Variants in SLC9A9 observed in about 807,000 individuals in gnomAD.
The protein encoded by SLC9A9 is sodium/hydrogen exchanger 9.
In SLC9A9, 62 loss-of-function variants were observed where a neutral mutation model predicts 77.8. That is an observed-to-expected ratio of 0.80 (90% CI 0.65 to 0.98). SLC9A9 has a LOEUF of 0.98. Ranked by LOEUF, SLC9A9 falls within the 50% of genes least tolerant of loss-of-function variation. The probability of loss-of-function intolerance (pLI) is 0.00; values close to 1 mark genes in which losing one functional copy is unlikely to be tolerated. For synonymous variants in SLC9A9, 320 were observed against 283.5 expected (o/e 1.13, Z -1.29); for missense variants, 775 against 774.9 (o/e 1.00, Z 0.00).
At chr3:143,336,194 T>C (rs564724231) in intron 14 of SLC9A9, among the ~76,000 whole-genome samples, 1 of 152,226 alleles carries the variant, frequency 6.6e-6, no homozygotes, top group Admixed American at 6.5e-5. Flanking sequence ...TAATGAGATA[T>C]CACCTCATAT....
At chr3:143,805,521 C>T (rs1187644080) in intron 2 of SLC9A9, among the ~76,000 whole-genome samples, 2 of 152,166 alleles carry the variant, frequency 1.3e-5, no homozygotes, top group Non-Finnish European at 2.9e-5. Context: ...TCCCCTGTGA[C>T]CTTCACTTAT....
chr3:143,752,025 G>A (rs982702337), intron 4 of SLC9A9, among the ~76,000 whole-genome samples: 3 of 152,152 alleles, frequency 2.0e-5, no homozygotes, highest in Non-Finnish European at 2.9e-5. Context: ...TACTGAAATC[G>A]CCTTTCAGAC....
chr3:143,811,356 T>C (rs1039207325), intron 2 of SLC9A9, among the ~76,000 whole-genome samples: 1 of 152,182 alleles, frequency 6.6e-6, no homozygotes, highest in African/African-American at 2.4e-5. Flanking sequence ...GAAAAAAGAA[T>C]ACTCTCAGAA....
chr3:143,507,082 A>T (rs761754832), intron 9 of SLC9A9, among the ~76,000 whole-genome samples: 1 of 150,212 alleles, frequency 6.7e-6, no homozygotes, highest in Non-Finnish European at 1.5e-5. Context: ...ATATTATCTT[A>T]AGATTTTGTT....
intron 4 of SLC9A9, among the ~76,000 whole-genome samples, chr3:143,762,776 G>A (rs150551202): frequency 1.3e-5 from 2 of 152,290 alleles, no homozygotes; most frequent in East Asian, 3.9e-4. Context: ...TATGGCCAGT[G>A]TGGCACTGTC....
At chr3:143,303,014 G>C (rs9842051) in intron 14 of SLC9A9, among the ~76,000 whole-genome samples, 120,382 of 152,232 alleles carry the variant, frequency 0.79, 47,912 homozygotes, top group East Asian at 0.97. Flanking sequence ...TCTCCACATC[G>C]TGCCCTTCCC....
At chr3:143,431,496 T>TC (rs916750185) in intron 12 of SLC9A9, among the ~76,000 whole-genome samples, 1 of 150,992 alleles carries the variant, frequency 6.6e-6, no homozygotes, top group African/African-American at 2.4e-5. Context: ...TTTTTTTTTT[T>TC]TTTTGCGATG....
chr3:143,387,382 C>T (rs1007940494), intron 12 of SLC9A9, among the ~76,000 whole-genome samples: 5 of 150,926 alleles, frequency 3.3e-5, no homozygotes, highest in African/African-American at 4.9e-5. Context: ...AAAGGTAAGC[C>T]GAGGGTGGAG....
chr3:143,724,897 G>A (rs1203993822), intron 4 of SLC9A9, among the ~76,000 whole-genome samples: 4 of 152,060 alleles, frequency 2.6e-5, no homozygotes, highest in African/African-American at 7.3e-5. Context: ...GAGCCTTTCA[G>A]TGTCAGGTGG....
intron 2 of SLC9A9, among the ~76,000 whole-genome samples, chr3:143,826,951 T>C (rs1432831407): frequency 6.6e-6 from 1 of 152,204 alleles, no homozygotes; most frequent in Admixed American, 6.5e-5. Flanking sequence ...CATTTATTCA[T>C]ATGCTATGTT....
chr3:143,698,069 C>T (rs1334879184), intron 4 of SLC9A9: 4 of 152,212 alleles, frequency 2.6e-5, no homozygotes, highest in Non-Finnish European at 4.4e-5. Flanking sequence ...TACCAGTCAC[C>T]GTATCCTCAC....
At chr3:143,646,344 T>C (rs1412878854) in intron 6 of SLC9A9, among the ~76,000 whole-genome samples, 1 of 148,186 alleles carries the variant, frequency 6.7e-6, no homozygotes, top group African/African-American at 2.4e-5. Flanking sequence ...ACATATAATG[T>C]ATGTTAGTAT....
At chr3:143,415,026 G>C (rs992818437) in intron 12 of SLC9A9, among the ~76,000 whole-genome samples, 1 of 152,206 alleles carries the variant, frequency 6.6e-6, no homozygotes, top group Non-Finnish European at 1.5e-5. Context: ...TAGCCATCTG[G>C]ATAGAAGATG....
intron 8 of SLC9A9, among the ~76,000 whole-genome samples, chr3:143,554,903 C>T (rs1050556291): frequency 2.0e-5 from 3 of 152,216 alleles, no homozygotes; most frequent in Non-Finnish European, 2.9e-5. Context: ...TCTTCTCCAT[C>T]CACTCTGTAC....
At chr3:143,624,062 C>T (rs2038272197) in intron 6 of SLC9A9, among the ~76,000 whole-genome samples, 1 of 152,044 alleles carries the variant, frequency 6.6e-6, no homozygotes, top group African/African-American at 2.4e-5. Context: ...AAGACTAAAC[C>T]AGGAAGAAGT....
At chr3:143,377,814 G>A (rs1446347278) in intron 13 of SLC9A9, among the ~76,000 whole-genome samples, 1 of 152,116 alleles carries the variant, frequency 6.6e-6, no homozygotes, top group Non-Finnish European at 1.5e-5. Context: ...CTAACACCAT[G>A]GCCAATGGTC....
In SLC9A9 at chr3:143,266,762, G is replaced by T. The variant is rs540168948; in HGVS notation, c.1878C>A (p.Leu626=). ...PGKENIYEGD[L]GLGGYELKLE... ...GCTTGAGTTCATAGCCTCCCAGGCC[G>T]AGGTCTCCCTCATAAATGTTTTCCT... The change falls in exon 16 of 16, where the codon CTC becomes CTA. Residue 626 remains leucine (L), a synonymous_variant. Transcript: ENST00000316549. 2.9e-5 allele frequency: 47 copies of T among 1,614,158 alleles called. No individual in the cohort carries two copies. Among genetic ancestry groups the T allele is most frequent in the Non-Finnish European group, 4.0e-5 (47 of 1,180,034 alleles).
chr3:143,727,434 G>T (rs1248432982), intron 4 of SLC9A9, among the ~76,000 whole-genome samples: 2 of 152,108 alleles, frequency 1.3e-5, no homozygotes, highest in African/African-American at 4.8e-5. Context: ...CTGGTGCACT[G>T]TCCCCTTTGA....
intron 11 of SLC9A9, among the ~76,000 whole-genome samples, chr3:143,492,927 G>A (rs2035773880): frequency 6.6e-6 from 1 of 152,232 alleles, no homozygotes; most frequent in Admixed American, 6.5e-5. Context: ...TTTGAACAGG[G>A]AAAGACTGAA....
Sources: gnomAD v4.1 joint callset for allele counts (sites outside exome capture counted in the v4.1 genomes callset) on GRCh38, gnomAD v4.1.1 for gene constraint, MANE v1.5 for transcripts, NCBI Gene and HGNC (gene_info 2026-07-23, HGNC 2026-07-21) for gene names.